MAP2K5: variants seen among roughly 807,000 people sequenced by gnomAD.
MAP2K5 encodes the protein dual specificity mitogen-activated protein kinase kinase 5.
MAP2K5 carries 49 observed loss-of-function variants against 83.1 expected under a neutral mutation model. That is an observed-to-expected ratio of 0.59 (90% CI 0.47 to 0.75). The LOEUF (loss-of-function observed/expected upper bound fraction) is 0.75, where lower values mean the gene tolerates loss of function less well. MAP2K5 is among the 30% of genes least tolerant of loss of function. The pLI, the probability that MAP2K5 is intolerant of heterozygous loss-of-function variation, is 0.00. For missense variants in MAP2K5, 457 were observed against 557.5 expected, an observed-to-expected ratio of 0.82 and a Z score of 1.82; for synonymous variants, 202 against 191.8, an observed-to-expected ratio of 1.05 and a Z score of -0.44.
At chr15:67,619,924 G>T (rs1305543334) in intron 8 of MAP2K5, among the ~76,000 whole-genome samples, 1 of 152,124 alleles carries the variant, frequency 6.6e-6, no homozygotes, top group Non-Finnish European at 1.5e-5. Flanking sequence ...GTAAAATTTA[G>T]CTAGGCATGG....
intron 1 of MAP2K5, among the ~76,000 whole-genome samples, chr15:67,546,919 G>A (rs1048080539): frequency 6.6e-5 from 10 of 152,080 alleles, no homozygotes; most frequent in Admixed American, 6.6e-4. Flanking sequence ...GCAAAAATTA[G>A]TGGGGGCTTG....
intron 9 of MAP2K5, among the ~76,000 whole-genome samples, chr15:67,633,401 TGC>T (rs1458151481): frequency 6.6e-6 from 1 of 152,264 alleles, no homozygotes; most frequent in African/African-American, 2.4e-5. Flanking sequence ...TATTTGGCCT[TGC>T]AAAGTACATT....
intron 21 of MAP2K5, among the ~76,000 whole-genome samples, chr15:67,797,581 T>A (rs2141341019): frequency 6.6e-6 from 1 of 152,366 alleles, no homozygotes; most frequent in Admixed American, 6.5e-5. Context: ...TGTGTTTCTC[T>A]TTGGTGCTTG....
chr15:67,736,943 A>G lies in MAP2K5; in HGVS notation c.1074+8998A>G, dbSNP rs1284518116. 6.6e-6 allele frequency among the ~76,000 whole-genome samples: 1 copy of G among 152,234 alleles called. No individual in the cohort carries two copies. The highest frequency in any genetic ancestry group is 2.4e-5 in the African/African-American group (1 of 41,462). On this transcript the variant is annotated intron_variant, in intron 17 of 21. Transcript: ENST00000178640. The surrounding 1 kb of genome is among the most constrained non-coding windows in gnomAD (Gnocchi z 4.3). ...TGATCTAGTCCAACTCTTAGATTAC[A>G]GATGAGGAAATAGGAGTCCACAGCC...
intron 6 of MAP2K5, among the ~76,000 whole-genome samples, chr15:67,592,134 A>AAAAAAAAAAC (rs1364808254): frequency 1.3e-5 from 2 of 151,424 alleles, no homozygotes; most frequent in African/African-American, 2.4e-5. Flanking sequence ...AAAAAAAAAA[A>AAAAAAAAAAC]AGGACTTTCA....
chr15:67,618,578 C>T (rs4776948), intron 8 of MAP2K5, among the ~76,000 whole-genome samples: 126,330 of 152,080 alleles, frequency 0.83, 53,388 homozygotes, highest in Middle Eastern at 0.93. Context: ...TATCTAAAAC[C>T]GAGCTCTTTA....
rs531515470 is a variant in MAP2K5 at position 67,778,088 on chromosome 15, A to T, written c.1242+5336A>T. 6.6e-6 allele frequency among the ~76,000 whole-genome samples: 1 copy of T among 152,350 alleles called. No individual in the cohort carries two copies. Among genetic ancestry groups the T allele is most frequent in the South Asian group, 2.1e-4 (1 of 4,826 alleles). On this transcript the variant is annotated intron_variant, in intron 21 of 21. Transcript: ENST00000178640. This position sits in a 1 kb window ranked among gnomAD's most constrained non-coding sequence, Gnocchi z 5.0. ...TCATTTCTCAGCTAAGGCTTTATGT[A>T]TAAGAGGTGGTAATGTTTGGGGGCT... is the stretch of plus-strand genomic sequence containing the variant.
intron 13 of MAP2K5, among the ~76,000 whole-genome samples, chr15:67,688,588 A>G (rs1280755900): frequency 1.3e-5 from 2 of 152,252 alleles, no homozygotes; most frequent in Admixed American, 6.5e-5. Flanking sequence ...ATTATTTTCT[A>G]AATATAATGA....
intron 8 of MAP2K5, among the ~76,000 whole-genome samples, chr15:67,614,079 G>C (rs1038130385): frequency 6.6e-6 from 1 of 152,154 alleles, no homozygotes; most frequent in Admixed American, 6.5e-5. Flanking sequence ...GAAGCAACCA[G>C]TTTATTTTCA....
chr15:67,692,084 T>G (rs1408571543), intron 13 of MAP2K5, among the ~76,000 whole-genome samples: 1 of 152,190 alleles, frequency 6.6e-6, no homozygotes, highest in Non-Finnish European at 1.5e-5. Context: ...GAGGACTAGC[T>G]TGATAATTAC....
Position 67,605,564 on chromosome 15 carries a change from T to C in MAP2K5, c.545+4815T>C, listed in dbSNP as rs142239344. On this transcript the variant is annotated intron_variant, in intron 8 of 21. Transcript: ENST00000178640. ...TTTTTAATCCTAATTTATTTTCAGA[T>C]TGCTATAGGACAGCTGGGTTAAGCC... Among the ~76,000 whole-genome samples, 329 of 152,294 alleles carry C rather than the reference T, an allele frequency of 2.2e-3. 1 individual carries two copies. The highest frequency in any genetic ancestry group is 7.6e-3 in the African/African-American group (314 of 41,564).
chr15:67,584,923 C>G (rs907866201), intron 4 of MAP2K5, among the ~76,000 whole-genome samples: 1 of 151,778 alleles, frequency 6.6e-6, no homozygotes, highest in African/African-American at 2.4e-5. Flanking sequence ...GTCTTGATCT[C>G]TTGACCTCAT....
At chr15:67,650,415 G>A (rs1029326196) in intron 11 of MAP2K5, among the ~76,000 whole-genome samples, 3 of 151,920 alleles carry the variant, frequency 2.0e-5, no homozygotes, top group African/African-American at 4.8e-5. Flanking sequence ...TAGAGGGAGA[G>A]CTTTCAGTCT....
Position 67,806,879 on chromosome 15 carries a change from C to T in MAP2K5, c.*129C>T. The T allele has an allele frequency of 6.3e-7, 1 of 1,594,708 alleles. No individual in the cohort carries two copies. The highest frequency in any genetic ancestry group is 8.5e-7 in the Non-Finnish European group (1 of 1,178,206). On this transcript the variant is annotated 3_prime_UTR_variant, in exon 22 of 22. Transcript: ENST00000178640. ...CCTGGCTTCCCTGCCCTCGCCTTCA[C>T]CTCTGTCAGCAGGTGGCCTTGCCTG...
In MAP2K5 at chr15:67,758,289, T is replaced by G; in HGVS notation, c.1134+9688T>G. Among the ~76,000 whole-genome samples the G allele has an allele frequency of 6.6e-6, 1 of 152,006 alleles. No homozygotes were observed. Among genetic ancestry groups the G allele is most frequent in the East Asian group, 1.9e-4 (1 of 5,192 alleles). The stretch of plus-strand genomic sequence containing the variant: ...TAACTGCATTTGGTAAATAACTAGA[T>G]ATAAGGGAGGGTAGGGAGGTAGGGT... On this transcript the variant is annotated intron_variant, in intron 19 of 21. Coordinates refer to ENST00000178640, the MANE Select transcript of MAP2K5 (RefSeq NM_145160.3). This position sits in a 1 kb window ranked among gnomAD's most constrained non-coding sequence, Gnocchi z 4.7.
At chr15:67,629,785 A>C (rs906895923) in intron 8 of MAP2K5, among the ~76,000 whole-genome samples, 3 of 152,112 alleles carry the variant, frequency 2.0e-5, no homozygotes, top group African/African-American at 7.2e-5. Flanking sequence ...AAACTTACTT[A>C]CTTCCTTATA....
Position 67,768,815 on chromosome 15 carries a change from G to A in MAP2K5, c.1135-787G>A, listed in dbSNP as rs902029169. Among the ~76,000 whole-genome samples, 23 of 152,124 alleles carry A rather than the reference G, an allele frequency of 1.5e-4. 1 individual carries two copies. The highest frequency in any genetic ancestry group is 6.2e-4 in the South Asian group (3 of 4,834). ...GCTGTTACACTATAAACACAGTGGC[G>A]CTCTCTGTCATTCTTGGAAAAACTC... On this transcript the variant is annotated intron_variant, in intron 19 of 21. Transcript: ENST00000178640. The surrounding 1 kb of genome is among the most constrained non-coding windows in gnomAD (Gnocchi z 4.0).
Position 67,774,807 on chromosome 15 carries a change from G to A in MAP2K5, c.1242+2055G>A, listed in dbSNP as rs548609494. On this transcript the variant is annotated intron_variant, in intron 21 of 21. Coordinates refer to ENST00000178640, the MANE Select transcript of MAP2K5 (RefSeq NM_145160.3). This position sits in a 1 kb window ranked among gnomAD's most constrained non-coding sequence, Gnocchi z 4.9. ...AAGAGCAGTTTATCTCCCAAGCATG[G>A]TAACTCCAGCCAGCAGGGTACCAGC... 4.6e-5 allele frequency among the ~76,000 whole-genome samples: 7 copies of A among 152,338 alleles called. No individual in the cohort carries two copies. The highest frequency in any genetic ancestry group is 3.9e-4 in the Admixed American group (6 of 15,308).
At chr15:67,582,829 CA>C (rs2085210077) in intron 4 of MAP2K5, among the ~76,000 whole-genome samples, 1 of 114,566 alleles carries the variant, frequency 8.7e-6, no homozygotes, top group Non-Finnish European at 2.0e-5. Context: ...TCAAAACACA[CA>C]CACACACACA....
Sources: gnomAD v4.1 joint callset for allele counts (sites outside exome capture counted in the v4.1 genomes callset) on GRCh38, gnomAD v4.1.1 for gene constraint, Gnocchi (gnomAD v3.1) non-coding constraint, MANE v1.5 for transcripts, NCBI Gene and HGNC (gene_info 2026-07-23, HGNC 2026-07-21) for gene names.